UNC5C: variants seen among roughly 807,000 people sequenced by gnomAD.
UNC5C encodes the protein netrin receptor UNC5C.
UNC5C carries 47 observed loss-of-function variants against 99.8 expected under a neutral mutation model. The ratio of observed to expected loss-of-function variants is 0.47; its 90% CI spans 0.37 to 0.60. The LOEUF (loss-of-function observed/expected upper bound fraction) is 0.60. Among genes scored for constraint, UNC5C ranks in the 20% least tolerant of loss-of-function variants. UNC5C has a pLI of 0.00. For synonymous variants in UNC5C, 487 were observed against 452.2 expected (o/e 1.08, Z -0.98); for missense variants, 1,062 against 1,165.9 (o/e 0.91, Z 1.30).
intron 12 of UNC5C, among the ~76,000 whole-genome samples, chr4:95,190,752 C>A (rs1469138976): frequency 6.6e-6 from 1 of 152,162 alleles, no homozygotes; most frequent in African/African-American, 2.4e-5. Context: ...AAGCAGGCCA[C>A]CTGCCTCAGA....
intron 4 of UNC5C, among the ~76,000 whole-genome samples, chr4:95,275,223 T>C (rs946364588): frequency 2.0e-5 from 3 of 152,102 alleles, no homozygotes; most frequent in Non-Finnish European, 2.9e-5. Flanking sequence ...TAGGAGAGAA[T>C]CTTGGTGACA....
chr4:95,361,726 G>A (rs1278143588), intron 1 of UNC5C, among the ~76,000 whole-genome samples: 1 of 152,064 alleles, frequency 6.6e-6, no homozygotes, highest in East Asian at 1.9e-4. Flanking sequence ...GTTTTTTGTT[G>A]AAATCACTGC....
chr4:95,176,413 G>A (rs957748888), intron 14 of UNC5C, among the ~76,000 whole-genome samples: 6 of 151,940 alleles, frequency 3.9e-5, no homozygotes, highest in African/African-American at 7.2e-5. Flanking sequence ...ATGTACAGAT[G>A]GGTTTTTGGT....
At chr4:95,322,438 T>C (rs1448353493) in intron 2 of UNC5C, among the ~76,000 whole-genome samples, 1 of 152,238 alleles carries the variant, frequency 6.6e-6, no homozygotes, top group African/African-American at 2.4e-5. Context: ...GATCATTGCC[T>C]GTGCTTAGCA....
Position 95,528,998 on chromosome 4 carries a change from CT to C in UNC5C, c.124+19735del, listed in dbSNP as rs1254633860. On this transcript the variant is annotated intron_variant, in intron 1 of 15. Coordinates refer to ENST00000453304, the MANE Select transcript of UNC5C (RefSeq NM_003728.4). ...GAAAGTTAACAAAGCACATTTATCTCTCCTTTAATCTCTTCCAAAATATTTT... is the reference window on the plus strand; with the variant it reads ...GAAAGTTAACAAAGCACATTTATCTCCCTTTAATCTCTTCCAAAATATTTT... Among the ~76,000 whole-genome samples, 3 of 151,982 alleles carry C rather than the reference CT, an allele frequency of 2.0e-5. No individual in the cohort carries two copies. The East Asian group carries it at 5.8e-4, about 29-fold the overall frequency.
At chr4:95,506,053 T>C (rs980590351) in intron 1 of UNC5C, among the ~76,000 whole-genome samples, 1 of 152,028 alleles carries the variant, frequency 6.6e-6, no homozygotes, top group African/African-American at 2.4e-5. Flanking sequence ...TGAGAAAACA[T>C]GTTTTTTAAA....
At chr4:95,205,632 A>G (rs1331128380) in intron 11 of UNC5C, among the ~76,000 whole-genome samples, 3 of 152,102 alleles carry the variant, frequency 2.0e-5, no homozygotes, top group African/African-American at 7.3e-5. Flanking sequence ...TTTGCATATT[A>G]TAACTTCCTA....
Position 95,284,263 on chromosome 4 carries a change from A to AT in UNC5C, c.491-5902dup, listed in dbSNP as rs1218939224. On this transcript the variant is annotated intron_variant, in intron 3 of 15. Transcript: ENST00000453304. The stretch of plus-strand genomic sequence containing the variant: ...GAAAAGAAGACTCACTGGGAGACAG[A>AT]TTTTCTGGCCTTCAGTTTCCATATT... 7.2e-5 allele frequency among the ~76,000 whole-genome samples: 11 copies of AT among 152,254 alleles called. No individual in the cohort carries two copies. In the South Asian group the frequency reaches 1.0e-3, roughly 14 times the overall value.
intron 1 of UNC5C, among the ~76,000 whole-genome samples, chr4:95,381,250 G>A (rs907674865): frequency 2.0e-5 from 3 of 152,114 alleles, no homozygotes; most frequent in Non-Finnish European, 2.9e-5. Context: ...GTGCATCCAC[G>A]AGAGCCACTT....
intron 13 of UNC5C, among the ~76,000 whole-genome samples, chr4:95,183,493 TA>T (rs1448005473): frequency 1.3e-5 from 2 of 152,162 alleles, no homozygotes; most frequent in East Asian, 3.9e-4. Context: ...AAAGAAAGTC[TA>T]AAGGATACTG....
chr4:95,492,661 C>A (rs1721528076), intron 1 of UNC5C, among the ~76,000 whole-genome samples: 1 of 151,432 alleles, frequency 6.6e-6, no homozygotes, highest in Non-Finnish European at 1.5e-5. Flanking sequence ...ACACAAAAAT[C>A]TTGACTTCAC....
At chr4:95,286,594 C>T (rs1473311587) in intron 3 of UNC5C, among the ~76,000 whole-genome samples, 2 of 152,256 alleles carry the variant, frequency 1.3e-5, no homozygotes, top group East Asian at 3.9e-4. Flanking sequence ...TTGTCTAGCA[C>T]AGGACTTGAG....
intron 1 of UNC5C, among the ~76,000 whole-genome samples, chr4:95,357,679 C>A (rs967103657): frequency 6.6e-6 from 1 of 151,970 alleles, no homozygotes; most frequent in Non-Finnish European, 1.5e-5. Flanking sequence ...GTGGTCTCAG[C>A]TACTGGGAAG....
chr4:95,479,660 T>C (rs1036294991), intron 1 of UNC5C, among the ~76,000 whole-genome samples: 6 of 151,914 alleles, frequency 3.9e-5, no homozygotes, highest in Admixed American at 1.3e-4. Context: ...TAGCTTAGTT[T>C]ATAAGATACC....
chr4:95,193,765 C>T (rs781366422), intron 12 of UNC5C, among the ~76,000 whole-genome samples: 34 of 152,300 alleles, frequency 2.2e-4, no homozygotes, highest in Non-Finnish European at 3.2e-4. Flanking sequence ...TTTTCGGCGA[C>T]GCTGCTGTCA....
chr4:95,323,909 A>G (rs1406307619), intron 2 of UNC5C, among the ~76,000 whole-genome samples: 5 of 152,034 alleles, frequency 3.3e-5, no homozygotes, highest in African/African-American at 1.2e-4. Flanking sequence ...GGTGGCACAC[A>G]TCTGTAGTCC....
At chr4:95,546,240 A>G (rs993063985) in intron 1 of UNC5C, among the ~76,000 whole-genome samples, 7 of 152,354 alleles carry the variant, frequency 4.6e-5, no homozygotes, top group Non-Finnish European at 8.8e-5. Context: ...CCTTGAGGGT[A>G]TGGGCTAGTG....
At chr4:95,235,887 T>C (rs1432323745) in intron 7 of UNC5C, among the ~76,000 whole-genome samples, 2 of 152,174 alleles carry the variant, frequency 1.3e-5, no homozygotes, top group African/African-American at 2.4e-5. Context: ...CAATGAGATA[T>C]CATCTCACAC....
At chr4:95,315,532 T>C (rs1317497743) in intron 2 of UNC5C, among the ~76,000 whole-genome samples, 1 of 152,204 alleles carries the variant, frequency 6.6e-6, no homozygotes, top group Non-Finnish European at 1.5e-5. Flanking sequence ...TTCAATCATG[T>C]CTATTCATAT....
Sources: gnomAD v4.1 joint callset for allele counts (sites outside exome capture counted in the v4.1 genomes callset) on GRCh38, gnomAD v4.1.1 for gene constraint, MANE v1.5 for transcripts, NCBI Gene and HGNC (gene_info 2026-07-23, HGNC 2026-07-21) for gene names.